The following PRR5 variants were observed in gnomAD, a reference collection of about 807,000 sequenced individuals.
PRR5 encodes the protein proline rich 5, also known as proline-rich protein 5.
A neutral mutation model predicts 30.6 loss-of-function variants in PRR5; 25 were observed. The observed-to-expected ratio is 0.82, with a 90% CI of 0.60 to 1.14. PRR5 has a LOEUF of 1.14. PRR5 is among the 50% of genes most tolerant of loss of function. The pLI is 0.00. For missense variants in PRR5, 600 were observed against 547.1 expected (o/e 1.10, Z -0.96); for synonymous variants, 286 against 247.1 (o/e 1.16, Z -1.48).
intron 2 of PRR5, among the ~76,000 whole-genome samples, chr22:44,715,292 A>G (rs1439148957): frequency 6.6e-6 from 1 of 152,152 alleles, no homozygotes; most frequent in African/African-American, 2.4e-5. Flanking sequence ...CAGCTGCTCC[A>G]AGGAGGCAGT....
intron 1 of PRR5, among the ~76,000 whole-genome samples, chr22:44,688,583 C>G (rs1384743895): frequency 6.6e-6 from 1 of 152,140 alleles, no homozygotes. Flanking sequence ...TGCTGCCAGG[C>G]TAGAGGGCTT....
chr22:44,702,340 AG>A lies in PRR5; in HGVS notation c.-133del. 1.7e-6 allele frequency: 2 copies of A among 1,170,344 alleles called. No homozygotes were observed. The highest frequency in any genetic ancestry group is 2.1e-6 in the Non-Finnish European group (2 of 945,266). 72.5% of individuals were successfully genotyped at this position (1,170,344 alleles called of 1,614,324 possible). A position where few individuals can be genotyped will look rare whatever the true frequency, so the allele number is the denominator to read the frequency against. On this transcript the variant is annotated 5_prime_UTR_variant, in exon 1 of 8. It removes the in-frame stop codon of an upstream open reading frame in the 5' UTR. Transcript: ENST00000336985. ...GCGCGGGGCCGGGGCGGGACCCCGC[AG>A]GACCGCTCGGCTTCCTGCTCTCGCC...
At chr22:44,722,119 T>C (rs1272040304) in intron 2 of PRR5, among the ~76,000 whole-genome samples, 1 of 152,160 alleles carries the variant, frequency 6.6e-6, no homozygotes, top group Non-Finnish European at 1.5e-5. Flanking sequence ...AGGGTGAACC[T>C]CAGCCTTGTT....
chr22:44,714,751 C>G (rs1928795230), intron 2 of PRR5, 80 bp downstream of exon 2: 10 of 1,550,926 alleles, frequency 6.4e-6, no homozygotes, highest in Non-Finnish European at 8.8e-6. Flanking sequence ...CCCAGCCAGG[C>G]CCCTGACCCG....
intron 2 of PRR5, among the ~76,000 whole-genome samples, chr22:44,719,109 G>C (rs1430692228): frequency 1.4e-5 from 2 of 145,944 alleles, no homozygotes; most frequent in Non-Finnish European, 1.5e-5. Context: ...TTTTTTAAGA[G>C]ACTAGGTCTC....
chr22:44,669,115 C>T (rs1269244014), intron 1 of PRR5, among the ~76,000 whole-genome samples: 2 of 150,802 alleles, frequency 1.3e-5, no homozygotes, highest in Admixed American at 6.6e-5. Flanking sequence ...GCTCGCCCCC[C>T]GCCCCGCCCC....
At chr22:44,717,995 G>A (rs149360322) in intron 2 of PRR5, among the ~76,000 whole-genome samples, 5,444 of 152,062 alleles carry the variant, frequency 0.036, 135 homozygotes, top group Middle Eastern at 0.088. Context: ...GATTACAGGC[G>A]TGAGCCGTTG....
intron 4 of PRR5, 132 bp from the exon 5 acceptor site, chr22:44,731,598 C>G (rs1202947714): frequency 1.3e-5 from 11 of 817,464 alleles, no homozygotes. Context: ...TGGACATCGA[C>G]CTTGGGCAGG....
intron 4 of PRR5, 99 bp from the exon 5 acceptor site, chr22:44,731,631 G>A: frequency 1.6e-6 from 2 of 1,234,032 alleles, no homozygotes; most frequent in East Asian, 2.4e-5. Context: ...CCTGAGCCCA[G>A]GCCCTCCACT....
chr22:44,707,438 G>A lies in PRR5; in HGVS notation c.134+4830G>A, dbSNP rs572187931. ...AGGCTCCGGCAGGGTCAGGCGGCCC[G>A]GTGACCCCTGACTAGGCCCCAGCTG... On this transcript the variant is annotated intron_variant, in intron 1 of 7. Coordinates refer to ENST00000336985, the MANE Select transcript of PRR5 (RefSeq NM_181333.4). Among the ~76,000 whole-genome samples the A allele has an allele frequency of 4.3e-4, 65 of 152,300 alleles. 1 individual carries two copies. In the South Asian group the frequency reaches 9.5e-3, roughly 22 times the overall value.
chr22:44,724,320 C>A (rs573556239), intron 2 of PRR5, among the ~76,000 whole-genome samples: 1 of 152,144 alleles, frequency 6.6e-6, no homozygotes, highest in African/African-American at 2.4e-5. Flanking sequence ...CCTGTAGTCC[C>A]AGCTACTCAG....
intron 1 of PRR5, among the ~76,000 whole-genome samples, chr22:44,703,032 G>C: frequency 6.6e-6 from 1 of 152,344 alleles, no homozygotes; most frequent in South Asian, 2.1e-4. Flanking sequence ...GGTCGCGCAG[G>C]CTTCCTGTGT....
intron 1 of PRR5, among the ~76,000 whole-genome samples, chr22:44,695,395 A>G (rs183296822): frequency 6.6e-6 from 1 of 152,356 alleles, no homozygotes; most frequent in African/African-American, 2.4e-5. Flanking sequence ...GGGTGGCACC[A>G]GCCCGAGGTT....
In PRR5 at chr22:44,737,114, C is replaced by T. The variant is rs776983827; in HGVS notation, c.1034C>T (p.Pro345Leu). Residue 345 changes from proline (P) to leucine (L), a missense_variant, in exon 8 of 8, where the codon CCG becomes CTG. Physicochemically the swap from Pro to Leu is moderately conservative, Grantham distance 98 (BLOSUM62 -3). Transcript: ENST00000336985. ...CGCAGCTCCCTGCCCCGCTCCAGCCCGGAGAACCTGGTGGACCAGATCCTG... is the reference window on the plus strand; with the variant it reads ...CGCAGCTCCCTGCCCCGCTCCAGCCTGGAGAACCTGGTGGACCAGATCCTG... ...PTRSSLPRSSPENLVDQILES... is the reference protein window; with the variant it reads ...PTRSSLPRSSLENLVDQILES... 3.9e-5 allele frequency: 63 copies of T among 1,612,324 alleles called. No individual in the cohort carries two copies. Among genetic ancestry groups the T allele is most frequent in the South Asian group, 2.0e-4 (18 of 91,090 alleles).
chr22:44,715,887 A>G (rs560154062), intron 2 of PRR5, among the ~76,000 whole-genome samples: 74 of 152,300 alleles, frequency 4.9e-4, no homozygotes, highest in Non-Finnish European at 9.1e-4. Flanking sequence ...GGCTCAAGCC[A>G]TCCTCCCACC....
chr22:44,713,958 C>T (rs1023071784), intron 1 of PRR5, among the ~76,000 whole-genome samples: 4 of 152,216 alleles, frequency 2.6e-5, no homozygotes, highest in African/African-American at 9.6e-5. Context: ...CGCCCGCCAT[C>T]GCGCCCTGCT....
chr22:44,705,886 G>A (rs1471686922), intron 1 of PRR5, among the ~76,000 whole-genome samples: 1 of 152,120 alleles, frequency 6.6e-6, no homozygotes. Flanking sequence ...CGCCCCCACA[G>A]GTTCAAGCAA....
chr22:44,735,205 C>T (rs370588711), intron 7 of PRR5, 43 bp downstream of exon 7: 30 of 1,576,766 alleles, frequency 1.9e-5, no homozygotes, highest in African/African-American at 8.1e-5. Context: ...GGGGTGACCA[C>T]GGGCCCCATC....
intron 2 of PRR5, among the ~76,000 whole-genome samples, chr22:44,723,583 G>A (rs1401029165): frequency 6.6e-6 from 1 of 152,028 alleles, no homozygotes; most frequent in East Asian, 1.9e-4. Flanking sequence ...AGCTGGGCGT[G>A]ATGGTATGCG....
Sources: gnomAD v4.1 joint callset for allele counts (sites outside exome capture counted in the v4.1 genomes callset) on GRCh38, gnomAD v4.1.1 for gene constraint, MANE v1.5 for transcripts, NCBI Gene and HGNC (gene_info 2026-07-23, HGNC 2026-07-21) for gene names.